VCAN: variants seen among roughly 807,000 people sequenced by gnomAD.
VCAN encodes versican.
In VCAN, 44 loss-of-function variants were observed where a neutral mutation model predicts 245.5. The ratio of observed to expected loss-of-function variants is 0.18; its 90% CI spans 0.14 to 0.23. The LOEUF is 0.23. Among genes scored for constraint, VCAN ranks in the 10% least tolerant of loss-of-function variants. The pLI, the probability that VCAN is intolerant of heterozygous loss-of-function variation, is 1.00. For synonymous variants in VCAN, 1,413 were observed against 1,437.0 expected, an observed-to-expected ratio of 0.98 and a Z score of 0.38; for missense variants, 3,793 against 4,057.9, an observed-to-expected ratio of 0.93 and a Z score of 1.77.
chr5:83,549,666 GA>G (rs1747384183), intron 10 of VCAN, among the ~76,000 whole-genome samples: 1 of 152,112 alleles, frequency 6.6e-6, no homozygotes, highest in Admixed American at 6.5e-5. Flanking sequence ...AAAGAATATT[GA>G]AAGTAAAAAG....
At chr5:83,511,642 A>C (rs1008102158) in intron 5 of VCAN, among the ~76,000 whole-genome samples, 58 of 152,020 alleles carry the variant, frequency 3.8e-4, no homozygotes, top group African/African-American at 1.3e-3. Flanking sequence ...AAGGCCAGAG[A>C]ATTACTATTT....
intron 9 of VCAN, among the ~76,000 whole-genome samples, chr5:83,547,303 C>T (rs947206231): frequency 6.6e-6 from 1 of 152,148 alleles, no homozygotes; most frequent in African/African-American, 2.4e-5. Flanking sequence ...GTCTCCACCT[C>T]AAAGTATGTG....
intron 1 of VCAN, among the ~76,000 whole-genome samples, chr5:83,482,496 A>G (rs1744646295): frequency 6.6e-6 from 1 of 152,212 alleles, no homozygotes; most frequent in Admixed American, 6.5e-5. Context: ...GACTGAGGGT[A>G]GGCACTAGAA....
chr5:83,531,865 A>G (rs754597469), intron 7 of VCAN, among the ~76,000 whole-genome samples: 7 of 152,192 alleles, frequency 4.6e-5, no homozygotes, highest in East Asian at 1.9e-4. Context: ...AAAAAAGCCT[A>G]TTAACCATGG....
chr5:83,521,722 A>G lies in VCAN; in HGVS notation c.3416A>G (p.Lys1139Arg). ...KVSLSPGPEQ[K>R]YETEGSSTTG... ...TCTTTAAGTCCAGGGCCTGAACAAAAATATGAAACAGAAGGTAGTAGTACA... is the reference window on the plus strand; with the variant it reads ...TCTTTAAGTCCAGGGCCTGAACAAAGATATGAAACAGAAGGTAGTAGTACA... Residue 1139 changes from lysine to arginine, a missense_variant, in exon 7 of 15, where the codon AAA becomes AGA. By Grantham distance (26) the Lys-to-Arg change is conservative. Around this residue, in one of 5 missense-constraint regions of VCAN, gnomAD observed 3,182 missense variants for 3,250.3 expected, o/e 0.98. Coordinates refer to ENST00000265077, the MANE Select transcript of VCAN (RefSeq NM_004385.5). 1.2e-6 allele frequency: 2 copies of G among 1,614,140 alleles called. No homozygotes were observed. The highest frequency in any genetic ancestry group is 1.7e-6 in the Non-Finnish European group (2 of 1,180,020).
intron 6 of VCAN, among the ~76,000 whole-genome samples, chr5:83,518,816 T>A (rs1745960567): frequency 6.6e-6 from 1 of 152,212 alleles, no homozygotes; most frequent in African/African-American, 2.4e-5. Context: ...TGGATACATT[T>A]CATGTGGCTT....
At chr5:83,491,708 T>A (rs1744986337) in intron 3 of VCAN, among the ~76,000 whole-genome samples, 1 of 152,156 alleles carries the variant, frequency 6.6e-6, no homozygotes, top group South Asian at 2.1e-4. Context: ...AATCCTCCAC[T>A]TAATCTCCTT....
intron 13 of VCAN, among the ~76,000 whole-genome samples, chr5:83,576,898 T>C (rs563683154): frequency 6.6e-6 from 1 of 152,264 alleles, no homozygotes; most frequent in South Asian, 2.1e-4. Flanking sequence ...TTTTGGTTAT[T>C]TTTGAAAATT....
intron 13 of VCAN, among the ~76,000 whole-genome samples, chr5:83,579,218 G>A (rs1748576347): frequency 6.6e-6 from 1 of 151,612 alleles, no homozygotes; most frequent in South Asian, 2.1e-4. Context: ...TGATGTTATT[G>A]TAGATTGTAA....
intron 7 of VCAN, among the ~76,000 whole-genome samples, chr5:83,532,075 C>T (rs1050228185): frequency 2.0e-5 from 3 of 151,968 alleles, no homozygotes; most frequent in Admixed American, 2.0e-4. Flanking sequence ...TCAATTACAC[C>T]ATTGGGTTGC....
intron 13 of VCAN, among the ~76,000 whole-genome samples, chr5:83,573,176 G>A (rs981927414): frequency 6.6e-6 from 1 of 152,116 alleles, no homozygotes; most frequent in African/African-American, 2.4e-5. Flanking sequence ...GGGATTACAG[G>A]CTTGAGCCAC....
At chr5:83,554,630 AT>A (rs1747595301) in intron 11 of VCAN, among the ~76,000 whole-genome samples, 3 of 152,310 alleles carry the variant, frequency 2.0e-5, no homozygotes, top group African/African-American at 7.2e-5. Context: ...CAACAAAAAA[AT>A]AGAAAATTTC....
chr5:83,477,897 T>C (rs752075785), intron 1 of VCAN, among the ~76,000 whole-genome samples: 1 of 151,684 alleles, frequency 6.6e-6, no homozygotes, highest in Non-Finnish European at 1.5e-5. Flanking sequence ...ACCAATGATA[T>C]GCTACACCAT....
chr5:83,579,587 A>T (rs751808929), intron 13 of VCAN, among the ~76,000 whole-genome samples: 4 of 152,064 alleles, frequency 2.6e-5, no homozygotes, highest in Non-Finnish European at 5.9e-5. Context: ...TTTTATAAGG[A>T]GGTAATAGTA....
chr5:83,536,949 T>G, intron 7 of VCAN, 58 bp from the exon 8 acceptor site: 1 of 1,465,048 alleles, frequency 6.8e-7, no homozygotes, highest in South Asian at 1.4e-5. Flanking sequence ...ATCAATTTCT[T>G]CTGTCATACA....
rs968146967 is a variant in VCAN, at chr5:83,471,975, A to C, written c.-55A>C. On this transcript the variant is annotated 5_prime_UTR_variant, in exon 1 of 15. Coordinates refer to ENST00000265077, the MANE Select transcript of VCAN (RefSeq NM_004385.5). Reference sequence around the variant, plus strand: ...TGGGCAACGCCGAACCCAGTCGCGCAGCGCTGCAGTGAATTTTCCCCCCAA... The same window carrying C: ...TGGGCAACGCCGAACCCAGTCGCGCCGCGCTGCAGTGAATTTTCCCCCCAA... 5.1e-6 allele frequency: 2 copies of C among 388,538 alleles called. No homozygotes were observed. Among genetic ancestry groups the C allele is most frequent in the Non-Finnish European group, 9.1e-6 (2 of 220,306 alleles). The allele number at this position is 388,538 out of a possible 1,614,324, so 24.1% of individuals were successfully genotyped here.
intron 6 of VCAN, 119 bp from the exon 7 acceptor site, chr5:83,519,230 C>CATT (rs2112405590): frequency 1.0e-6 from 1 of 973,504 alleles, no homozygotes; most frequent in East Asian, 2.5e-5. Flanking sequence ...CATCACAGAA[C>CATT]ATTTCTGGGC....
chr5:83,581,493 A>G lies in VCAN; in HGVS notation c.*1059A>G, dbSNP rs1336676750. On this transcript the variant is annotated 3_prime_UTR_variant, in exon 15 of 15. Coordinates refer to ENST00000265077, the MANE Select transcript of VCAN (RefSeq NM_004385.5). ...TATTTTCCCTAAGACCTGAAAATGAACATAGTATGCTAGTTATTTTTCAGT... is the reference window on the plus strand; with the variant it reads ...TATTTTCCCTAAGACCTGAAAATGAGCATAGTATGCTAGTTATTTTTCAGT... 1 of 152,178 alleles carries G rather than the reference A, an allele frequency of 6.6e-6. No homozygotes were observed. Among genetic ancestry groups the G allele is most frequent in the African/African-American group, 2.4e-5 (1 of 41,442 alleles). 9.4% of individuals were successfully genotyped at this position (152,178 alleles called of 1,614,324 possible).
intron 12 of VCAN, among the ~76,000 whole-genome samples, chr5:83,566,400 T>C (rs1344398983): frequency 6.6e-6 from 1 of 152,194 alleles, no homozygotes; most frequent in Non-Finnish European, 1.5e-5. Context: ...GCTGAGATTT[T>C]AGGTCATTGA....
Sources: gnomAD v4.1 joint callset for allele counts (sites outside exome capture counted in the v4.1 genomes callset) on GRCh38, gnomAD v4.1.1 for gene constraint, gnomAD v4.1.1 regional missense constraint, MANE v1.5 for transcripts, NCBI Gene and HGNC (gene_info 2026-07-23, HGNC 2026-07-21) for gene names.